ENOSF1: variants seen among roughly 807,000 people sequenced by gnomAD.
ENOSF1 encodes enolase superfamily member 1, also known as mitochondrial enolase superfamily member 1.
In ENOSF1, 73 loss-of-function variants were observed where a neutral mutation model predicts 68.2. That is an observed-to-expected ratio of 1.07 (90% CI 0.89 to 1.30). The LOEUF is 1.30. Among genes scored for constraint, ENOSF1 ranks in the 50% most tolerant of loss-of-function variants. ENOSF1 has a pLI of 0.00. For synonymous variants in ENOSF1, 223 were observed against 210.4 expected, an observed-to-expected ratio of 1.06 and a Z score of -0.52; for missense variants, 589 against 554.5, an observed-to-expected ratio of 1.06 and a Z score of -0.62.
chr18:697,507 T>C lies in ENOSF1; in HGVS notation c.194-152A>G, dbSNP rs1191274450. On this transcript the variant is annotated intron_variant, in intron 2 of 15. Coordinates refer to ENST00000647584, the MANE Select transcript of ENOSF1 (RefSeq NM_017512.7). ...GGCTCATGCCTGTAATCTCAACACT[T>C]TGGGAGGCCACGGCAGGAGGACCAC... 1.8e-5 allele frequency: 11 copies of C among 608,512 alleles called. No individual in the cohort carries two copies. In the East Asian group the frequency reaches 3.3e-4, roughly 18 times the overall value. The allele number at this position is 608,512 out of a possible 1,614,324, so 37.7% of individuals were successfully genotyped here.
chr18:693,757 G>T, intron 5 of ENOSF1, 125 bp downstream of exon 5: 1 of 1,481,210 alleles, frequency 6.8e-7, no homozygotes, highest in Non-Finnish European at 9.0e-7. Flanking sequence ...TTGGCTTTTT[G>T]CTTTATCATC....
At chr18:689,439 C>T (rs755553202) in intron 8 of ENOSF1, among the ~76,000 whole-genome samples, 5 of 152,012 alleles carry the variant, frequency 3.3e-5, no homozygotes, top group Non-Finnish European at 5.9e-5. Context: ...CATTACCACG[C>T]CCAGATAATT....
chr18:682,555 T>C (rs115777122), intron 11 of ENOSF1, among the ~76,000 whole-genome samples: 92 of 151,768 alleles, frequency 6.1e-4, no homozygotes, highest in African/African-American at 2.2e-3. Flanking sequence ...AGTTAGCGTG[T>C]AGGAGAAAAA....
Position 670,880 on chromosome 18 carries a change from G to C in ENOSF1, c.*3425C>G. The C allele has an allele frequency of 6.2e-7, 1 of 1,613,282 alleles. No homozygotes were observed. On this transcript the variant is annotated 3_prime_UTR_variant, in exon 16 of 16. Transcript: ENST00000647584. Reference sequence around the variant, plus strand: ...CACGGGCCTGAAGGTGGGCTGTCTCGGGAAGGGTGACTTGCCAGCCTACCA... The same window carrying C: ...CACGGGCCTGAAGGTGGGCTGTCTCCGGAAGGGTGACTTGCCAGCCTACCA...
In ENOSF1 at chr18:671,475, T is replaced by A; in HGVS notation, c.*2830A>T. ...AGGTAAGAATTAGATGTTATACTTTTGGGTTTGGTACCTTCTCTTGATAAA... is the reference window on the plus strand; with the variant it reads ...AGGTAAGAATTAGATGTTATACTTTAGGGTTTGGTACCTTCTCTTGATAAA... On this transcript the variant is annotated 3_prime_UTR_variant, in exon 16 of 16. Transcript: ENST00000647584. 1 of 1,524,212 alleles carries A rather than the reference T, an allele frequency of 6.6e-7. No individual in the cohort carries two copies. 94.4% of individuals were successfully genotyped at this position (1,524,212 alleles called of 1,614,324 possible).
intron 1 of ENOSF1, among the ~76,000 whole-genome samples, chr18:711,695 A>T (rs2079567115): frequency 6.6e-6 from 1 of 152,156 alleles, no homozygotes. Context: ...AGCAAAAAAG[A>T]CCTTCAATAT....
At chr18:694,758 TGAA>T (rs1307403073) in intron 3 of ENOSF1, among the ~76,000 whole-genome samples, 1 of 152,174 alleles carries the variant, frequency 6.6e-6, no homozygotes, top group Non-Finnish European at 1.5e-5. Context: ...GCTAACCTAT[TGAA>T]GAGTTTTAAG....
At chr18:679,741 G>A (rs958095926) in intron 11 of ENOSF1, among the ~76,000 whole-genome samples, 7 of 151,954 alleles carry the variant, frequency 4.6e-5, no homozygotes, top group South Asian at 2.1e-4. Flanking sequence ...CACTACCTCC[G>A]TCACCTGCCA....
chr18:666,268 T>A (rs998071246), downstream of ENOSF1, among the ~76,000 whole-genome samples: 6 of 151,618 alleles, frequency 4.0e-5, no homozygotes, highest in East Asian at 9.8e-4. Flanking sequence ...AGTTCATCGG[T>A]GGGACAAGGG....
intron 11 of ENOSF1, among the ~76,000 whole-genome samples, chr18:679,410 T>C (rs1333385916): frequency 6.6e-6 from 1 of 151,054 alleles, no homozygotes; most frequent in Non-Finnish European, 1.5e-5. Flanking sequence ...GGTTTTGCCA[T>C]GTTGGCCAGG....
At chr18:683,152 G>T in intron 11 of ENOSF1, 94 bp downstream of exon 11, 1 of 1,465,582 alleles carries the variant, frequency 6.8e-7, no homozygotes, top group East Asian at 2.3e-5. Flanking sequence ...AATGCAAGAG[G>T]GAACAAGTGA....
At chr18:710,020 C>G (rs1380376177) in intron 1 of ENOSF1, among the ~76,000 whole-genome samples, 1 of 152,198 alleles carries the variant, frequency 6.6e-6, no homozygotes, top group African/African-American at 2.4e-5. Context: ...TATGAGCTTG[C>G]AATACAGGTG....
At chr18:689,889 C>T (rs1025587568) in intron 8 of ENOSF1, among the ~76,000 whole-genome samples, 1 of 152,124 alleles carries the variant, frequency 6.6e-6, no homozygotes, top group South Asian at 2.1e-4. Flanking sequence ...TCCCAGATAG[C>T]TGGGGAGGCG....
chr18:695,345 ATTG>A (rs1163565991), intron 3 of ENOSF1, among the ~76,000 whole-genome samples: 1 of 152,084 alleles, frequency 6.6e-6, no homozygotes, highest in Non-Finnish European at 1.5e-5. Context: ...TATTATTAGG[ATTG>A]TTAACTTTTA....
chr18:677,770 C>T lies in ENOSF1; in HGVS notation c.1021G>A (p.Val341Ile). 1 of 1,614,114 alleles carries T rather than the reference C, an allele frequency of 6.2e-7. No homozygotes were observed. The highest frequency in any genetic ancestry group is 8.5e-7 in the Non-Finnish European group (1 of 1,180,024). ...RLGSVNENLSVLLMAKKFEIP... is the reference protein window; with the variant it reads ...RLGSVNENLSILLMAKKFEIP... Reference sequence around the variant, plus strand: ...TCAAACTTTTTGGCCATCAGCAATACTGAGAGGTTCTCATTGACACTGCCC... The same window carrying T: ...TCAAACTTTTTGGCCATCAGCAATATTGAGAGGTTCTCATTGACACTGCCC... Residue 341 changes from valine (V) to isoleucine (I), a missense_variant, in exon 13 of 16, where the codon GTA (valine) becomes ATA (isoleucine). Transcript: ENST00000647584.
At chr18:708,377 G>C (rs1472736278) in intron 1 of ENOSF1, among the ~76,000 whole-genome samples, 2 of 151,934 alleles carry the variant, frequency 1.3e-5, no homozygotes, top group Non-Finnish European at 2.9e-5. Flanking sequence ...CATTTGAGAA[G>C]ACCTGCTTAT....
At chr18:701,552 C>T (rs892292676) in intron 2 of ENOSF1, among the ~76,000 whole-genome samples, 1 of 151,682 alleles carries the variant, frequency 6.6e-6, no homozygotes, top group African/African-American at 2.4e-5. Flanking sequence ...GTCAGGAGTT[C>T]GAGACCATCC....
chr18:686,064 A>T (rs1328141610), intron 9 of ENOSF1, 56 bp from the exon 10 acceptor site: 1 of 1,279,440 alleles, frequency 7.8e-7, no homozygotes, highest in Non-Finnish European at 1.1e-6. Context: ...TGGCAAGGGC[A>T]TCTGGAGTTT....
At chr18:667,173 T>TGATGGA (rs2074855868), downstream of ENOSF1, among the ~76,000 whole-genome samples, 1 of 67,318 alleles carries the variant, frequency 1.5e-5, no homozygotes, top group Non-Finnish European at 2.7e-5. Context: ...ATGGTGATGG[T>TGATGGA]GATGGTGATG....
Sources: allele counts gnomAD v4.1 joint callset (sites outside exome capture counted in the v4.1 genomes callset), GRCh38; gene constraint gnomAD v4.1.1; transcripts MANE v1.5; gene names NCBI Gene and HGNC (gene_info 2026-07-23, HGNC 2026-07-21).